The following ANO4 variants were observed in gnomAD, a reference collection of about 807,000 sequenced individuals.
ANO4 encodes anoctamin 4.
A neutral mutation model predicts 141.9 loss-of-function variants in ANO4; 69 were observed. That is an observed-to-expected ratio of 0.49 (90% CI 0.40 to 0.59). The LOEUF is 0.59. Ranked by LOEUF, ANO4 falls within the 20% of genes least tolerant of loss-of-function variation. The pLI, the probability that ANO4 is intolerant of heterozygous loss-of-function variation, is 0.00. For missense variants in ANO4, 894 were observed against 1,162.2 expected (o/e 0.77, Z 3.36); for synonymous variants, 350 against 394.3 (o/e 0.89, Z 1.33).
At chr12:101,098,469 T>C (rs780741991) in intron 21 of ANO4, among the ~76,000 whole-genome samples, 3 of 152,180 alleles carry the variant, frequency 2.0e-5, no homozygotes, top group East Asian at 1.9e-4. Context: ...TCCACACCTA[T>C]TGGTTTCCAT....
rs188456194 is a variant in ANO4, at chr12:100,887,963, C to G, written c.-140-13683C>G. Among the ~76,000 whole-genome samples, 51 of 151,998 alleles carry G rather than the reference C, an allele frequency of 3.4e-4. 2 individuals carry two copies. Among genetic ancestry groups the G allele is most frequent in the South Asian group, 2.9e-3 (14 of 4,812 alleles). On this transcript the variant is annotated intron_variant, in intron 1 of 27. Transcript: ENST00000392977. Reference sequence around the variant, plus strand: ...AACCCTTAAACTTTTGTGAGGTGACCGGAAATAAATATCTGCTTCCTAAGT... The same window carrying G: ...AACCCTTAAACTTTTGTGAGGTGACGGGAAATAAATATCTGCTTCCTAAGT...
At chr12:101,119,448 T>C (rs1490104083) in intron 25 of ANO4, among the ~76,000 whole-genome samples, 1 of 152,056 alleles carries the variant, frequency 6.6e-6, no homozygotes, top group African/African-American at 2.4e-5. Context: ...AGCGAGATTC[T>C]GTCTCAACAT....
chr12:101,007,996 C>G (rs1365840507), intron 8 of ANO4, among the ~76,000 whole-genome samples: 1 of 152,172 alleles, frequency 6.6e-6, no homozygotes, highest in Non-Finnish European at 1.5e-5. Flanking sequence ...TACCTTCAAG[C>G]TGGAACATCA....
At chr12:101,013,738 A>G (rs1996248) in intron 8 of ANO4, among the ~76,000 whole-genome samples, 56,014 of 152,106 alleles carry the variant, frequency 0.37, 10,609 homozygotes, top group Non-Finnish European at 0.41. Flanking sequence ...CAATAGTTAC[A>G]TGAGTACCAT....
intron 1 of ANO4, among the ~76,000 whole-genome samples, chr12:100,817,620 G>A (rs1329386761): frequency 6.6e-6 from 1 of 151,836 alleles, no homozygotes; most frequent in African/African-American, 2.4e-5. Flanking sequence ...TTCAGTTGTT[G>A]GATTCCATGT....
At chr12:100,930,088 C>T (rs752042422) in intron 3 of ANO4, among the ~76,000 whole-genome samples, 5 of 152,048 alleles carry the variant, frequency 3.3e-5, no homozygotes, top group African/African-American at 7.2e-5. Context: ...TTAATCCCTT[C>T]TCAGATGGAT....
chr12:101,023,660 C>T (rs1277271756), intron 9 of ANO4, among the ~76,000 whole-genome samples: 4 of 152,138 alleles, frequency 2.6e-5, no homozygotes, highest in African/African-American at 9.7e-5. Flanking sequence ...GAACAGGAGT[C>T]TGTCACAACA....
chr12:100,722,812 A>T (rs1005156430), intron 1 of ANO4, among the ~76,000 whole-genome samples: 2 of 151,700 alleles, frequency 1.3e-5, no homozygotes, highest in Non-Finnish European at 2.9e-5. Context: ...AGTTTTAAAA[A>T]CTCCTTTTTC....
At chr12:100,865,986 T>C (rs1192001272) in intron 1 of ANO4, among the ~76,000 whole-genome samples, 1 of 152,126 alleles carries the variant, frequency 6.6e-6, no homozygotes, top group Non-Finnish European at 1.5e-5. Context: ...CTCTCTCCCT[T>C]AGCTTTCCTG....
At chr12:100,971,901 T>C (rs1265302893) in intron 6 of ANO4, among the ~76,000 whole-genome samples, 1 of 152,118 alleles carries the variant, frequency 6.6e-6, no homozygotes, top group African/African-American at 2.4e-5. Context: ...TAAAAAGTCA[T>C]AAATACTTTG....
chr12:100,776,363 G>A (rs1448875525), intron 3 of ANO4, among the ~76,000 whole-genome samples: 3 of 152,112 alleles, frequency 2.0e-5, no homozygotes, highest in African/African-American at 2.4e-5. Context: ...TCTCCAGACC[G>A]ACCCCAGAGC....
rs201623880 is a variant in ANO4 at position 101,126,986 on chromosome 12, G to A, written c.2784G>A (p.Met928Ile). 148 of 1,614,202 alleles carry A rather than the reference G, an allele frequency of 9.2e-5. No individual in the cohort carries two copies. In the East Asian group the frequency reaches 1.2e-3, roughly 13 times the overall value. ...RREKYLIQEM[M>I]YEAELERLQK... is the part of the protein sequence containing the mutation. ...AGAAGTACTTGATTCAGGAGATGAT[G>A]TATGAAGCAGAACTGGAACGTCTCC... Residue 928 changes from methionine (M) to isoleucine (I), a missense_variant, in exon 27 of 28, where the codon ATG becomes ATA. Coordinates refer to ENST00000392977, the MANE Select transcript of ANO4 (RefSeq NM_001286615.2).
chr12:101,034,668 T>C (rs1414509530), intron 9 of ANO4, among the ~76,000 whole-genome samples: 1 of 152,040 alleles, frequency 6.6e-6, no homozygotes, highest in Non-Finnish European at 1.5e-5. Flanking sequence ...TCAAAAAATA[T>C]GGCTAGTAAA....
intron 8 of ANO4, among the ~76,000 whole-genome samples, chr12:100,993,759 A>T (rs1300530281): frequency 1.3e-5 from 2 of 152,132 alleles, no homozygotes; most frequent in African/African-American, 4.8e-5. Context: ...ACTTTCACAC[A>T]CATTTCGTAG....
chr12:100,935,184 A>G lies in ANO4; in HGVS notation c.161-4131A>G, dbSNP rs1307672950. ...TGTCTTGTGCTGGTTTTCAAAGGAA[A>G]TGCTTCCAGTTTTTGCCCATTCAGT... On this transcript the variant is annotated intron_variant, in intron 3 of 27. Coordinates refer to ENST00000392977, the MANE Select transcript of ANO4 (RefSeq NM_001286615.2). 3.9e-5 allele frequency among the ~76,000 whole-genome samples: 6 copies of G among 152,154 alleles called. 1 individual carries two copies. In the South Asian group the frequency reaches 1.2e-3, roughly 32 times the overall value.
chr12:100,965,153 A>G (rs75754709), intron 5 of ANO4, among the ~76,000 whole-genome samples: 3 of 152,148 alleles, frequency 2.0e-5, no homozygotes, highest in East Asian at 3.8e-4. Context: ...CACCTACACA[A>G]CTTTGGGACA....
At chr12:100,939,702 A>C (rs972701751) in intron 4 of ANO4, among the ~76,000 whole-genome samples, 2 of 152,174 alleles carry the variant, frequency 1.3e-5, no homozygotes, top group Non-Finnish European at 2.9e-5. Flanking sequence ...CCGTCATTTT[A>C]AGATAGCCTA....
chr12:100,812,880 C>T (rs1423927509), intron 1 of ANO4, among the ~76,000 whole-genome samples: 1 of 152,210 alleles, frequency 6.6e-6, no homozygotes, highest in Non-Finnish European at 1.5e-5. Flanking sequence ...TTTGTAAAAG[C>T]AGTCGGCAAG....
At chr12:101,049,508 T>C (rs2047772240) in intron 14 of ANO4, among the ~76,000 whole-genome samples, 2 of 151,632 alleles carry the variant, frequency 1.3e-5, no homozygotes, top group African/African-American at 4.9e-5. Flanking sequence ...TTGAGATAGA[T>C]GGAATCAGTA....
Sources: gnomAD v4.1 joint callset for allele counts (sites outside exome capture counted in the v4.1 genomes callset) on GRCh38, gnomAD v4.1.1 for gene constraint, MANE v1.5 for transcripts, NCBI Gene and HGNC (gene_info 2026-07-23, HGNC 2026-07-21) for gene names.